BRD8: variants seen among roughly 807,000 people sequenced by gnomAD.
The protein encoded by BRD8 is bromodomain containing 8, also known as bromodomain-containing protein 8.
A neutral mutation model predicts 143.1 loss-of-function variants in BRD8; 67 were observed. The observed-to-expected ratio is 0.47, with a 90% CI of 0.38 to 0.57. The LOEUF (loss-of-function observed/expected upper bound fraction) is 0.57, where lower values mean the gene tolerates loss of function less well. Ranked by LOEUF, BRD8 falls within the 20% of genes least tolerant of loss-of-function variation. The probability of loss-of-function intolerance (pLI) is 0.00; values close to 1 mark genes in which losing one functional copy is unlikely to be tolerated. For synonymous variants in BRD8, 505 were observed against 517.1 expected (o/e 0.98, Z 0.32); for missense variants, 1,103 against 1,503.0 (o/e 0.73, Z 4.40).
intron 20 of BRD8, among the ~76,000 whole-genome samples, chr5:138,155,028 A>C (rs961033347): frequency 6.6e-6 from 1 of 151,906 alleles, no homozygotes; most frequent in Non-Finnish European, 1.5e-5. Flanking sequence ...ATGAGGTTTC[A>C]CCATGTTGGC....
chr5:138,167,737 CTA>C (rs1753553655), intron 9 of BRD8, 195 bp downstream of exon 9: 1 of 563,132 alleles, frequency 1.8e-6, no homozygotes, highest in Non-Finnish European at 3.2e-6. Context: ...TCAATCAGGG[CTA>C]TCACTATCTT....
chr5:138,152,107 C>G (rs911184695), intron 21 of BRD8, among the ~76,000 whole-genome samples: 1 of 152,194 alleles, frequency 6.6e-6, no homozygotes, highest in Admixed American at 6.5e-5. Context: ...CCGCCCGCCT[C>G]GGCCTCCTAA....
intron 23 of BRD8, among the ~76,000 whole-genome samples, chr5:138,147,702 C>G (rs745491339): frequency 6.6e-6 from 1 of 152,058 alleles, no homozygotes; most frequent in African/African-American, 2.4e-5. Context: ...TTTGGGAGGC[C>G]AAGGCAGGGG....
intron 5 of BRD8, 29 bp from the exon 6 acceptor site, chr5:138,170,941 T>G (rs371866432): frequency 6.2e-7 from 1 of 1,612,856 alleles, no homozygotes; most frequent in South Asian, 1.1e-5. Context: ...GTAGGTAGAC[T>G]GGGTTTTTTA....
At chr5:138,165,201 G>A (rs372632128) in intron 11 of BRD8, 35 bp from the exon 12 acceptor site, 1 of 1,593,324 alleles carries the variant, frequency 6.3e-7, no homozygotes, top group African/African-American at 1.3e-5. Flanking sequence ...TGAGGTCACA[G>A]AAAGAAGCCC....
At chr5:138,176,873 G>A (rs931704647) in intron 2 of BRD8, among the ~76,000 whole-genome samples, 1 of 151,744 alleles carries the variant, frequency 6.6e-6, no homozygotes, top group Non-Finnish European at 1.5e-5. Flanking sequence ...TCGCTCGAAC[G>A]CAGGAGTTCG....
At position 138,169,296 on chromosome 5, in the gene BRD8, C is replaced by G. The variant is rs1753685268; in HGVS notation, c.568G>C (p.Asp190His). 1 of 1,614,156 alleles carries G rather than the reference C, an allele frequency of 6.2e-7. No homozygotes were observed. The highest frequency in any genetic ancestry group is 8.5e-7 in the Non-Finnish European group (1 of 1,180,018). ...TAATCACCTCCTGGGGAGGCAGAAT[C>G]TATAGGAGAGCGAACCATCACAGTG... is the stretch of plus-strand genomic sequence containing the variant. ...LPTVMVRSPI[D>H]SASPGGDYPL... The change falls in exon 8 of 27, where the codon GAT (aspartate) becomes CAT (histidine). Residue 190 changes from aspartate to histidine, a missense_variant. Asp to His is a moderately conservative substitution (Grantham distance 81). Around this residue, in one of 7 missense-constraint regions of BRD8, gnomAD observed 334 missense variants for 372.5 expected, o/e 0.90. Coordinates refer to ENST00000254900, the MANE Select transcript of BRD8 (RefSeq NM_139199.2).
At chr5:138,160,344 T>C (rs1466235524) in intron 18 of BRD8, among the ~76,000 whole-genome samples, 171 bp from the exon 19 acceptor site, 2 of 152,240 alleles carry the variant, frequency 1.3e-5, no homozygotes, top group East Asian at 3.8e-4. Flanking sequence ...GCAATAGGGA[T>C]GCTAAAGAAT....
intron 19 of BRD8, 66 bp downstream of exon 19, chr5:138,160,003 T>C: frequency 8.5e-7 from 1 of 1,180,308 alleles, no homozygotes; most frequent in Admixed American, 1.7e-5. Flanking sequence ...AACATAAGGG[T>C]CCTTGGATGC....
chr5:138,177,785 G>A, intron 1 of BRD8, 118 bp from the exon 2 acceptor site: 1 of 570,664 alleles, frequency 1.8e-6, no homozygotes. Flanking sequence ...CAACTTGTTA[G>A]GACAAAGTGA....
chr5:138,148,689 A>T (rs370214007), intron 23 of BRD8, among the ~76,000 whole-genome samples: 1 of 152,024 alleles, frequency 6.6e-6, no homozygotes, highest in African/African-American at 2.4e-5. Flanking sequence ...TTTAAAAAAA[A>T]ATTTTTTTAT....
rs750787289 is a variant in BRD8, at chr5:138,140,837, C to T, written c.3483G>A (p.Arg1161=). 8.1e-6 allele frequency: 13 copies of T among 1,614,070 alleles called. No individual in the cohort carries two copies. In the East Asian group the frequency reaches 2.7e-4, roughly 33 times the overall value. The change falls in exon 26 of 27, where the codon CGG becomes CGA. Residue 1161 remains arginine (R), a synonymous_variant. Transcript: ENST00000254900. The stretch of plus-strand genomic sequence containing the variant: ...GCAGGAATTGGGCCATGGTGCGAAT[C>T]CGACCCTTAGAGAGATTTCTCTTCA... ...TSLKRNLSKG[R]IRTMAQFLRD...
At chr5:138,177,709 C>T (rs370827403) in intron 1 of BRD8, 42 bp from the exon 2 acceptor site, 1 of 1,253,088 alleles carries the variant, frequency 8.0e-7, no homozygotes, top group Non-Finnish European at 1.1e-6. Context: ...GAAACAACCA[C>T]TGAGACTGTA....
chr5:138,168,377 CT>C (rs1753610934), intron 8 of BRD8: 1 of 919,012 alleles, frequency 1.1e-6, no homozygotes, highest in Non-Finnish European at 1.7e-6. Flanking sequence ...CTCTTTTGAA[CT>C]TTTATTCCCC....
chr5:138,148,051 C>A (rs1328917990), intron 23 of BRD8, among the ~76,000 whole-genome samples: 1 of 150,338 alleles, frequency 6.7e-6, no homozygotes, highest in Non-Finnish European at 1.5e-5. Flanking sequence ...GAGACAATTG[C>A]ATAAACCAGG....
chr5:138,148,858 A>C (rs1454884200), intron 23 of BRD8, among the ~76,000 whole-genome samples: 2 of 151,794 alleles, frequency 1.3e-5, no homozygotes, highest in South Asian at 4.2e-4. Flanking sequence ...TGAAACCAGG[A>C]GTTCAAGACA....
chr5:138,141,092 C>A (rs907100084), intron 25 of BRD8, among the ~76,000 whole-genome samples: 1 of 152,088 alleles, frequency 6.6e-6, no homozygotes, highest in Admixed American at 6.6e-5. Flanking sequence ...CTCACTTAAT[C>A]CTCTCAATAA....
Position 138,169,302 on chromosome 5 carries a change from G to C in BRD8, c.562C>G (p.Pro188Ala). 1 of 1,614,178 alleles carries C rather than the reference G, an allele frequency of 6.2e-7. No individual in the cohort carries two copies. Among genetic ancestry groups the C allele is most frequent in the Non-Finnish European group, 8.5e-7 (1 of 1,180,016 alleles). The change falls in exon 8 of 27, where the codon CCT becomes GCT. Residue 188 changes from proline to alanine, a missense_variant. By Grantham distance (27) the Pro-to-Ala change is conservative. This residue lies in a region of BRD8 where 334 missense variants were observed against 372.5 expected (regional missense o/e 0.90). Coordinates refer to ENST00000254900, the MANE Select transcript of BRD8 (RefSeq NM_139199.2). ...CCTCCTGGGGAGGCAGAATCTATAG[G>C]AGAGCGAACCATCACAGTGGGTAAC... ...RRLPTVMVRS[P>A]IDSASPGGDY...
In BRD8 at chr5:138,168,019, CAGG is replaced by C; in HGVS notation, c.699_701del (p.Leu234del). 6.2e-7 allele frequency: 1 copy of C among 1,613,382 alleles called. No individual in the cohort carries two copies. The highest frequency in any genetic ancestry group is 8.5e-7 in the Non-Finnish European group (1 of 1,179,398). ...TCATGGGAAGGACCCCGCCTACCTC[CAGG>C]AGGACACCTGTACTGTTCAGGTGGC... On this transcript the variant is annotated inframe_deletion, in exon 9 of 27. Coordinates refer to ENST00000254900, the MANE Select transcript of BRD8 (RefSeq NM_139199.2).
Sources: allele counts gnomAD v4.1 joint callset (sites outside exome capture counted in the v4.1 genomes callset), GRCh38; gene constraint gnomAD v4.1.1; regional missense constraint gnomAD v4.1.1; transcripts MANE v1.5; gene names NCBI Gene and HGNC (gene_info 2026-07-23, HGNC 2026-07-21).